Variants in EMSY observed in about 807,000 individuals in gnomAD.
The protein encoded by EMSY is EMSY transcriptional repressor, BRCA2 interacting.
Under a neutral mutation model 134.6 loss-of-function variants are expected in EMSY, and 26 were observed. That is an observed-to-expected ratio of 0.19 (90% CI 0.14 to 0.27). EMSY has a LOEUF of 0.27. EMSY is among the 10% of genes least tolerant of loss of function. The probability of loss-of-function intolerance (pLI) is 1.00; values close to 1 mark genes in which losing one functional copy is unlikely to be tolerated. For synonymous variants in EMSY, 579 were observed against 577.8 expected (o/e 1.00, Z -0.03); for missense variants, 1,305 against 1,611.4 (o/e 0.81, Z 3.26).
At chr11:76,518,502 A>G (rs994923478) in intron 11 of EMSY, among the ~76,000 whole-genome samples, 8 of 151,760 alleles carry the variant, frequency 5.3e-5, no homozygotes, top group African/African-American at 1.9e-4. Context: ...TCTAGCTATA[A>G]GACTAGAAGG....
chr11:76,523,379 C>A, intron 12 of EMSY, 88 bp downstream of exon 13: 1 of 1,418,840 alleles, frequency 7.0e-7, no homozygotes, highest in South Asian at 1.4e-5. Flanking sequence ...ACTTGAGAAG[C>A]CCACAATAGC....
chr11:76,445,282 G>T (rs557058327), intron 1 of EMSY, among the ~76,000 whole-genome samples, 154 bp downstream of exon 1: 1 of 152,186 alleles, frequency 6.6e-6, no homozygotes, highest in Admixed American at 6.5e-5. Flanking sequence ...GGTGGACTCA[G>T]GGGGACTCTG....
chr11:76,537,088 C>T (rs573089866), intron 15 of EMSY, among the ~76,000 whole-genome samples: 42 of 152,202 alleles, frequency 2.8e-4, no homozygotes, highest in Admixed American at 1.2e-3. Flanking sequence ...GGGATTTCTT[C>T]GGTTCTTTGT....
intron 9 of EMSY, among the ~76,000 whole-genome samples, chr11:76,512,913 A>C (rs1390932028): frequency 1.3e-5 from 2 of 152,296 alleles, no homozygotes; most frequent in East Asian, 3.9e-4. Flanking sequence ...AATTCAAACA[A>C]AAAATGTTCT....
intron 9 of EMSY, among the ~76,000 whole-genome samples, chr11:76,510,754 A>G (rs1483304041): frequency 6.6e-6 from 1 of 152,222 alleles, no homozygotes; most frequent in African/African-American, 2.4e-5. Flanking sequence ...GCAGGATGAT[A>G]TAATCTGAAG....
intron 7 of EMSY, among the ~76,000 whole-genome samples, chr11:76,469,770 A>T (rs901429496): frequency 5.9e-5 from 9 of 152,326 alleles, no homozygotes; most frequent in African/African-American, 2.2e-4. Context: ...TGCCATTTTT[A>T]AGTGGCAGAG....
At chr11:76,457,971 A>G (rs966213289) in intron 4 of EMSY, among the ~76,000 whole-genome samples, 1 of 152,222 alleles carries the variant, frequency 6.6e-6, no homozygotes, top group African/African-American at 2.4e-5. Context: ...TAAGATTCAG[A>G]TTATAGAATA....
chr11:76,499,000 C>T (rs1949752446), intron 9 of EMSY, among the ~76,000 whole-genome samples: 1 of 152,308 alleles, frequency 6.6e-6, no homozygotes, highest in Middle Eastern at 3.4e-3. Flanking sequence ...CTCGCTTTGT[C>T]ACCCAGGCTG....
At chr11:76,542,013 AG>A (rs1951457648) in intron 17 of EMSY, 3 of 636,416 alleles carry the variant, frequency 4.7e-6, no homozygotes, top group Non-Finnish European at 8.3e-6. Context: ...TTTGCAGATG[AG>A]GAAACAGTCT....
At chr11:76,543,229 T>A (rs1333154759) in intron 18 of EMSY, among the ~76,000 whole-genome samples, 1 of 152,180 alleles carries the variant, frequency 6.6e-6, no homozygotes, top group African/African-American at 2.4e-5. Flanking sequence ...TGATGATGAA[T>A]CTAACTGTAG....
chr11:76,542,439 T>C, intron 18 of EMSY, 72 bp downstream of exon 19: 1 of 1,530,662 alleles, frequency 6.5e-7, no homozygotes, highest in Non-Finnish European at 9.0e-7. Context: ...TGTCATCTTG[T>C]ATTTTAAGAG....
intron 8 of EMSY, among the ~76,000 whole-genome samples, chr11:76,494,396 G>A (rs1949545901): frequency 6.6e-6 from 1 of 152,164 alleles, no homozygotes; most frequent in Admixed American, 6.5e-5. Flanking sequence ...CATTATGAGT[G>A]CCATATAAAG....
chr11:76,449,054 G>A (rs1947543320), intron 2 of EMSY, among the ~76,000 whole-genome samples: 1 of 152,012 alleles, frequency 6.6e-6, no homozygotes. Flanking sequence ...GTATTTGAAT[G>A]GCTGATTTAA....
chr11:76,518,458 A>T (rs930375786), intron 11 of EMSY, among the ~76,000 whole-genome samples: 2 of 151,582 alleles, frequency 1.3e-5, no homozygotes, highest in African/African-American at 4.8e-5. Flanking sequence ...ATGAGCCACC[A>T]TGCCTGGCTC....
chr11:76,474,757 T>C (rs778485863), intron 8 of EMSY, among the ~76,000 whole-genome samples: 8 of 152,232 alleles, frequency 5.3e-5, no homozygotes, highest in Non-Finnish European at 1.2e-4. Context: ...TATAGTCCTG[T>C]TAAATACAGA....
At chr11:76,504,612 C>T (rs79225884) in intron 9 of EMSY, among the ~76,000 whole-genome samples, 1,703 of 152,204 alleles carry the variant, frequency 0.011, 30 homozygotes, top group African/African-American at 0.039. Flanking sequence ...CTTTGGAAAA[C>T]ACGTCAGTTT....
At chr11:76,544,583 G>A (rs2136762839) in exon 19 of EMSY, 1 of 1,614,048 alleles carries the variant, frequency 6.2e-7, no homozygotes, top group East Asian at 2.2e-5. Context: ...GCAAGAACAA[G>A]CACAGCCCAA....
intron 8 of EMSY, among the ~76,000 whole-genome samples, chr11:76,482,492 A>G (rs1949019194): frequency 6.6e-6 from 1 of 152,214 alleles, no homozygotes; most frequent in African/African-American, 2.4e-5. Flanking sequence ...CAAGGAAGCT[A>G]AGACCCTTGA....
intron 7 of EMSY, among the ~76,000 whole-genome samples, chr11:76,465,698 G>A (rs917825552): frequency 2.0e-5 from 3 of 148,274 alleles, no homozygotes; most frequent in Non-Finnish European, 3.0e-5. Context: ...CTTCTTTCAT[G>A]TTCTCTCTGT....
Sources: allele counts gnomAD v4.1 joint callset (sites outside exome capture counted in the v4.1 genomes callset), GRCh38; gene constraint gnomAD v4.1.1; transcripts MANE v1.5; gene names NCBI Gene and HGNC (gene_info 2026-07-23, HGNC 2026-07-21).